TENM1: variants seen among roughly 807,000 people sequenced by gnomAD.
The protein encoded by TENM1 is teneurin-1.
In TENM1, 35 loss-of-function variants were observed where a neutral mutation model predicts 174.8. The observed-to-expected ratio is 0.20, with a 90% CI of 0.15 to 0.27. TENM1 has a LOEUF of 0.27. Among genes scored for constraint, TENM1 ranks in the 10% least tolerant of loss-of-function variants. The probability of loss-of-function intolerance (pLI) is 1.00; values close to 1 mark genes in which losing one functional copy is unlikely to be tolerated. For missense variants in TENM1, 1,633 were observed against 2,130.1 expected, an observed-to-expected ratio of 0.77 and a Z score of 4.59; for synonymous variants, 781 against 798.7, an observed-to-expected ratio of 0.98 and a Z score of 0.37.
At chrX:124,387,794 G>C (rs2060238029) in intron 28 of TENM1, among the ~76,000 whole-genome samples, 1 of 112,225 alleles carries the variant, frequency 8.9e-6, no homozygotes, top group South Asian at 3.7e-4. Context: ...TGCAGAGCCA[G>C]AGGTGAGTGC....
intron 11 of TENM1, among the ~76,000 whole-genome samples, chrX:124,569,882 T>G (rs2049020488): frequency 9.0e-6 from 1 of 111,099 alleles, no homozygotes; most frequent in Admixed American, 9.6e-5. Context: ...GAGCTGAAAC[T>G]AATACAATAG....
chrX:124,560,522 T>A (rs1157476095), intron 14 of TENM1, among the ~76,000 whole-genome samples: 1 of 111,302 alleles, frequency 9.0e-6, no homozygotes, highest in African/African-American at 3.3e-5. Context: ...CCAGAGCTAG[T>A]ATCTGAATCC....
At chrX:124,623,602 AAC>A (rs759448090) in intron 11 of TENM1, among the ~76,000 whole-genome samples, 4 of 110,955 alleles carry the variant, frequency 3.6e-5, no homozygotes, top group Non-Finnish European at 5.7e-5. Flanking sequence ...ATTTGCATTA[AAC>A]ACACACACAC....
chrX:125,129,594 C>T, the TENM1 span, among the ~76,000 whole-genome samples: 1 of 109,724 alleles, frequency 9.1e-6, no homozygotes, highest in Non-Finnish European at 1.9e-5. Context: ...CTTCCCCCCA[C>T]CCCCATTACC....
At chrX:124,555,493 A>G (rs1007295578) in intron 14 of TENM1, among the ~76,000 whole-genome samples, 3 of 112,199 alleles carry the variant, frequency 2.7e-5, no homozygotes, top group African/African-American at 9.7e-5. Context: ...TTTTTCCACT[A>G]AAATAAAGTC....
chrX:125,105,690 A>T, the TENM1 span, among the ~76,000 whole-genome samples: 10 of 111,785 alleles, frequency 8.9e-5, no homozygotes, highest in African/African-American at 3.3e-4. Flanking sequence ...TCAGGGAAGG[A>T]CAGTGACAGC....
chrX:124,549,581 C>T (rs1319050068), intron 14 of TENM1, among the ~76,000 whole-genome samples: 1 of 111,435 alleles, frequency 9.0e-6, no homozygotes, highest in Non-Finnish European at 1.9e-5. Context: ...AATTGGGACT[C>T]ACATTCTCAT....
At position 124,389,129 on chromosome X, in the gene TENM1, G is replaced by T. The variant is rs1170349546; in HGVS notation, c.5688+2923C>A. On this transcript the variant is annotated intron_variant, in intron 28 of 31. Transcript: ENST00000422452. ...GGGAAGAGATCATTAAGCAACCACA[G>T]CCATTACCCAAATAATTATTTTTCT... Among the ~76,000 whole-genome samples, 3 of 111,221 alleles carry T rather than the reference G, an allele frequency of 2.7e-5. No homozygotes were observed. In the East Asian group the frequency reaches 8.5e-4, roughly 31 times the overall value.
chrX:124,939,889 T>C (rs1014806636), intron 1 of TENM1, among the ~76,000 whole-genome samples: 2 of 112,263 alleles, frequency 1.8e-5, no homozygotes, highest in African/African-American at 6.5e-5. Context: ...TTACTCTTTG[T>C]TATAATCCTG....
At chrX:125,041,815 A>T in the TENM1 span, among the ~76,000 whole-genome samples, 1 of 111,663 alleles carries the variant, frequency 9.0e-6, no homozygotes, top group Non-Finnish European at 1.9e-5. Flanking sequence ...GTACCACTTA[A>T]TAGTACATCT....
chrX:124,438,159 A>T (rs758047176), intron 23 of TENM1, among the ~76,000 whole-genome samples: 26 of 111,457 alleles, frequency 2.3e-4, no homozygotes, highest in Non-Finnish European at 1.5e-4. Flanking sequence ...AACTCCTGGC[A>T]TCAGGTGATC....
intron 16 of TENM1, among the ~76,000 whole-genome samples, chrX:124,524,051 T>C (rs751051078): frequency 3.6e-5 from 4 of 109,676 alleles, no homozygotes; most frequent in Middle Eastern, 9.3e-3. Flanking sequence ...ATTTTTGTAT[T>C]CTTTAGTAGG....
chrX:124,870,503 T>C (rs2057090284), intron 3 of TENM1, among the ~76,000 whole-genome samples: 1 of 111,807 alleles, frequency 8.9e-6, no homozygotes, highest in Non-Finnish European at 1.9e-5. Flanking sequence ...GTGTGTAGAA[T>C]GGGTCAAAGT....
chrX:124,559,131 A>C (rs1231698155), intron 14 of TENM1, among the ~76,000 whole-genome samples: 2 of 112,083 alleles, frequency 1.8e-5, no homozygotes, highest in Admixed American at 1.9e-4. Context: ...TAAGGCAGGA[A>C]ACATTGGCTC....
At position 124,586,620 on chromosome X, in the gene TENM1, A is replaced by G. The variant is rs759219547; in HGVS notation, c.2078-21060T>C. ...AAAACTGGAAGCATTCCCTTTGAAA[A>G]CTGGCACAAGAGAGGGATGCCCTCT... On this transcript the variant is annotated intron_variant, in intron 11 of 31. Transcript: ENST00000422452. Among the ~76,000 whole-genome samples, 544 of 108,975 alleles carry G rather than the reference A, an allele frequency of 5.0e-3. 4 individuals are homozygous for G. Among genetic ancestry groups the G allele is most frequent in the African/African-American group, 0.017 (500 of 29,543 alleles). 94.6% of individuals were successfully genotyped at this position (108,975 alleles called of 115,157 possible).
At chrX:124,748,337 GGTATACAGATATATATATAGAGAGAGA>G (rs2053980734) in intron 3 of TENM1, among the ~76,000 whole-genome samples, 1 of 108,605 alleles carries the variant, frequency 9.2e-6, no homozygotes, top group East Asian at 2.9e-4. Context: ...TGCATGTCAA[GGTATACAGATATATATATAGAGAGAGA>G]GATTATATAT....
chrX:124,404,938 G>A (rs913802242), intron 27 of TENM1, 93 bp downstream of exon 30: 7 of 813,013 alleles, frequency 8.6e-6, no homozygotes, highest in Non-Finnish European at 1.3e-5. Context: ...TTCAGTTTAG[G>A]GAGGCTCTGC....
the TENM1 span, among the ~76,000 whole-genome samples, chrX:125,039,798 G>T: frequency 7.2e-4 from 79 of 110,215 alleles, no homozygotes; most frequent in Non-Finnish European, 1.2e-3. Context: ...GTTCAAAAGG[G>T]TATTCTCTGA....
the TENM1 span, among the ~76,000 whole-genome samples, chrX:125,022,693 G>C: frequency 6.3e-5 from 7 of 111,038 alleles, no homozygotes; most frequent in Middle Eastern, 4.6e-3. Flanking sequence ...AAGCATCATC[G>C]AGCCTAATTA....
Sources: gnomAD v4.1 joint callset for allele counts (sites outside exome capture counted in the v4.1 genomes callset) on GRCh38, gnomAD v4.1.1 for gene constraint, MANE v1.5 for transcripts, NCBI Gene and HGNC (gene_info 2026-07-23, HGNC 2026-07-21) for gene names.